The following OSTN variants were observed in gnomAD, a reference collection of about 807,000 sequenced individuals.
The protein encoded by OSTN is osteocrin.
OSTN carries 9 observed loss-of-function variants against 12.0 expected under a neutral mutation model. The ratio of observed to expected loss-of-function variants is 0.75; its 90% CI spans 0.45 to 1.30. The LOEUF is 1.30. Ranked by LOEUF, OSTN falls within the 50% of genes most tolerant of loss-of-function variation. The pLI is 0.00. For synonymous variants in OSTN, 59 were observed against 56.9 expected (o/e 1.04, Z -0.16); for missense variants, 148 against 152.3 (o/e 0.97, Z 0.15).
intron 3 of OSTN, among the ~76,000 whole-genome samples, chr3:191,247,866 C>A (rs933821573): frequency 1.1e-4 from 17 of 152,270 alleles, no homozygotes; most frequent in African/African-American, 4.1e-4. Flanking sequence ...CAGAGTCTCG[C>A]GTTGTCGCCC....
chr3:191,213,386 G>C (rs963203512), intron 2 of OSTN: 1 of 152,164 alleles, frequency 6.6e-6, no homozygotes. Context: ...TCACAGAGGA[G>C]TCGGAGCAAG....
intron 1 of OSTN, among the ~76,000 whole-genome samples, chr3:191,204,121 C>T (rs1206524759): frequency 6.6e-6 from 1 of 152,188 alleles, no homozygotes; most frequent in African/African-American, 2.4e-5. Context: ...AACTCCTGAC[C>T]TCAGGTGATC....
chr3:191,262,777 C>T lies in OSTN; in HGVS notation c.*13-89C>T, dbSNP rs531905148. On this transcript the variant is annotated intron_variant, in intron 4 of 4. Transcript: ENST00000682035. ...TAATGAAACAGCATGTAATTAAAGA[C>T]TTAACTCTTCTCAAGTGAAGTTGAT... 11 of 682,424 alleles carry T rather than the reference C, an allele frequency of 1.6e-5. 2 individuals are homozygous for T. The African/African-American group carries it at 1.8e-4, about 11-fold the overall frequency. 42.3% of individuals were successfully genotyped at this position (682,424 alleles called of 1,614,324 possible).
intron 1 of OSTN, 58 bp from the exon 2 acceptor site, chr3:191,212,475 T>G: frequency 1.7e-6 from 2 of 1,202,700 alleles, no homozygotes; most frequent in Non-Finnish European, 2.3e-6. Context: ...GGAACTTCTG[T>G]TTTTTGTCTT....
chr3:191,207,396 T>C (rs1284415884), intron 1 of OSTN, among the ~76,000 whole-genome samples: 2 of 152,150 alleles, frequency 1.3e-5, no homozygotes, highest in African/African-American at 2.4e-5. Context: ...TGTTTTTTTT[T>C]TGTTGTTCAA....
chr3:191,214,663 C>T (rs1022439263), intron 2 of OSTN, among the ~76,000 whole-genome samples: 1 of 152,138 alleles, frequency 6.6e-6, no homozygotes, highest in African/African-American at 2.4e-5. Context: ...GAAAATGCTA[C>T]TCTTTTGTTC....
chr3:191,224,814 A>T (rs1053913581), intron 3 of OSTN, among the ~76,000 whole-genome samples: 1 of 152,110 alleles, frequency 6.6e-6, no homozygotes, highest in African/African-American at 2.4e-5. Flanking sequence ...TTTATTGAAA[A>T]TAATAATAAA....
chr3:191,211,200 T>C (rs1714408903), intron 1 of OSTN, among the ~76,000 whole-genome samples: 1 of 152,232 alleles, frequency 6.6e-6, no homozygotes, highest in South Asian at 2.1e-4. Flanking sequence ...TGATATTGCT[T>C]TGGGCATTTA....
rs557345302 is a variant in OSTN, at chr3:191,245,828, G to A, written c.318-4209G>A. On this transcript the variant is annotated intron_variant, in intron 3 of 4. Transcript: ENST00000682035. ...CACCTGTAATCCCAGGACTTTGGGA[G>A]GCCGAGGCGGGTGGATCGCCTGAGG... Among the ~76,000 whole-genome samples the A allele has an allele frequency of 2.6e-5, 4 of 152,132 alleles. No homozygotes were observed. The South Asian group carries it at 6.2e-4, about 24-fold the overall frequency.
chr3:191,214,281 C>G (rs147405471), intron 2 of OSTN, among the ~76,000 whole-genome samples: 1 of 151,954 alleles, frequency 6.6e-6, no homozygotes, highest in Non-Finnish European at 1.5e-5. Context: ...AACCCTCTCT[C>G]TACTAAAAAT....
chr3:191,251,597 C>T (rs972301060), intron 4 of OSTN, among the ~76,000 whole-genome samples: 2 of 152,170 alleles, frequency 1.3e-5, no homozygotes, highest in Non-Finnish European at 1.5e-5. Context: ...TATTTTTTCT[C>T]AACTCTCTCG....
rs1391777382 is a variant in OSTN, at chr3:191,265,087, T to C, written c.*2234T>C. ...TTCAGAGTAGAAAATAAGTCAGCAA[T>C]ATACTAAATAATGGGGCTATTCTTT... On this transcript the variant is annotated 3_prime_UTR_variant, in exon 5 of 5. Transcript: ENST00000682035. 6.6e-6 allele frequency: 1 copy of C among 152,170 alleles called. No homozygotes were observed. The highest frequency in any genetic ancestry group is 6.5e-5 in the Admixed American group (1 of 15,276). 9.4% of individuals were successfully genotyped at this position (152,170 alleles called of 1,614,324 possible). A position where few individuals can be genotyped will look rare whatever the true frequency, so the allele number is the denominator to read the frequency against.
intron 3 of OSTN, among the ~76,000 whole-genome samples, chr3:191,221,770 G>A (rs1714770804): frequency 6.6e-6 from 1 of 152,206 alleles, no homozygotes; most frequent in Admixed American, 6.5e-5. Flanking sequence ...AAATGTACAT[G>A]AATAACTAGA....
At chr3:191,214,535 C>A (rs767290950) in intron 2 of OSTN, among the ~76,000 whole-genome samples, 6 of 150,520 alleles carry the variant, frequency 4.0e-5, no homozygotes, top group Admixed American at 2.6e-4. Context: ...CAAGAACTGA[C>A]GAGACTTAGG....
rs114526007 is a variant in OSTN at position 191,205,698 on chromosome 3, T to C, written c.-1+6391T>C. Among the ~76,000 whole-genome samples, 1,076 of 152,254 alleles carry C rather than the reference T, an allele frequency of 7.1e-3. 7 individuals carry two copies. Among genetic ancestry groups the C allele is most frequent in the African/African-American group, 0.025 (1,043 of 41,564 alleles). On this transcript the variant is annotated intron_variant, in intron 1 of 4. Transcript: ENST00000682035. ...TTTAAATTATTAATATTATTTATGTTACTTGCAACATTTCTATCTGATAAC... is the reference window on the plus strand; with the variant it reads ...TTTAAATTATTAATATTATTTATGTCACTTGCAACATTTCTATCTGATAAC...
chr3:191,252,709 C>T (rs898291212), intron 4 of OSTN, among the ~76,000 whole-genome samples: 2 of 152,140 alleles, frequency 1.3e-5, no homozygotes, highest in Non-Finnish European at 2.9e-5. Context: ...TGTTTACTTC[C>T]TCATGTGAAG....
chr3:191,218,734 C>T lies in OSTN; in HGVS notation c.103-13C>T, dbSNP rs1406686566. The T allele has an allele frequency of 6.2e-7, 1 of 1,608,866 alleles. No homozygotes were observed. Among genetic ancestry groups the T allele is most frequent in the Non-Finnish European group, 8.5e-7 (1 of 1,176,072 alleles). ...TGTCTAAATTAACGGAATCGCCTTT[C>T]TCTGCCTTATAGGCCTTTGATTCTG... On this transcript the variant is annotated splice_polypyrimidine_tract_variant and intron_variant, in intron 2 of 4. Transcript: ENST00000682035.
intron 3 of OSTN, among the ~76,000 whole-genome samples, chr3:191,247,748 T>C (rs992503072): frequency 1.3e-5 from 2 of 152,236 alleles, no homozygotes; most frequent in African/African-American, 4.8e-5. Context: ...AAATACATTA[T>C]TTTAATTAGA....
chr3:191,219,971 G>A (rs985196358), intron 3 of OSTN, among the ~76,000 whole-genome samples: 16 of 152,056 alleles, frequency 1.1e-4, no homozygotes, highest in Non-Finnish European at 7.4e-5. Flanking sequence ...TCGGCTAGCA[G>A]GCTAATCATC....
Sources: gnomAD v4.1 joint callset for allele counts (sites outside exome capture counted in the v4.1 genomes callset) on GRCh38, gnomAD v4.1.1 for gene constraint, MANE v1.5 for transcripts, NCBI Gene and HGNC (gene_info 2026-07-23, HGNC 2026-07-21) for gene names.